SMURF2: variants seen among roughly 807,000 people sequenced by gnomAD.
The protein encoded by SMURF2 is E3 ubiquitin-protein ligase SMURF2.
Under a neutral mutation model 109.6 loss-of-function variants are expected in SMURF2, and 48 were observed. The observed-to-expected ratio is 0.44, with a 90% CI of 0.35 to 0.56. The LOEUF (loss-of-function observed/expected upper bound fraction) is 0.56. Among genes scored for constraint, SMURF2 ranks in the 20% least tolerant of loss-of-function variants. The probability of loss-of-function intolerance (pLI) is 0.01; values close to 1 mark genes in which losing one functional copy is unlikely to be tolerated. For missense variants in SMURF2, 575 were observed against 909.0 expected (o/e 0.63, Z 4.72); for synonymous variants, 288 against 317.1 (o/e 0.91, Z 0.97).
At chr17:64,554,772 T>A (rs1458399796) in intron 15 of SMURF2, 84 bp downstream of exon 15, 1 of 1,272,090 alleles carries the variant, frequency 7.9e-7, no homozygotes, top group South Asian at 1.4e-5. Flanking sequence ...CACTAAGTAG[T>A]ACTATCTAAA....
At chr17:64,610,990 C>A (rs563505477) in intron 1 of SMURF2, among the ~76,000 whole-genome samples, 12 of 152,256 alleles carry the variant, frequency 7.9e-5, no homozygotes, top group South Asian at 2.1e-4. Flanking sequence ...CTTCTAGAAA[C>A]CCTCTCTTCC....
chr17:64,575,160 T>C (rs1555685948), intron 9 of SMURF2, among the ~76,000 whole-genome samples: 1 of 151,570 alleles, frequency 6.6e-6, no homozygotes, highest in East Asian at 1.9e-4. Context: ...TTTTTATCTA[T>C]TTATTTTTTT....
chr17:64,551,737 C>T (rs1555683646), intron 15 of SMURF2, 33 bp from the exon 16 acceptor site: 2 of 1,610,260 alleles, frequency 1.2e-6, no homozygotes, highest in Admixed American at 1.7e-5. Flanking sequence ...CGTATAATCA[C>T]ATGTATTTTC....
chr17:64,545,879 A>G lies in SMURF2; in HGVS notation c.2216T>C (p.Ile739Thr). 1 of 1,611,350 alleles carries G rather than the reference A, an allele frequency of 6.2e-7. No individual in the cohort carries two copies. The highest frequency in any genetic ancestry group is 8.5e-7 in the Non-Finnish European group (1 of 1,177,588). ...EKLYEKLLTA[I>T]EETCGFAVE ...CACAGCAAATCCACATGTTTCTTCA[A>G]TGGCTGTTAGCAGCTTTTCATATAG... Residue 739 changes from isoleucine (I) to threonine (T), a missense_variant, in exon 19 of 19, where the codon ATT becomes ACT. Physicochemically the swap from Ile to Thr is moderately conservative, Grantham distance 89. Transcript: ENST00000262435.
In SMURF2 at chr17:64,596,893, G is replaced by A. The variant is rs1248090228; in HGVS notation, c.200+1489C>T. Reference sequence around the variant, plus strand: ...AGATAAATAGATAACTAAACAAATGGGAAAAGTAGCTACTAACTTCAGAAA... The same window carrying A: ...AGATAAATAGATAACTAAACAAATGAGAAAAGTAGCTACTAACTTCAGAAA... On this transcript the variant is annotated intron_variant, in intron 3 of 18. Transcript: ENST00000262435. Among the ~76,000 whole-genome samples, 2 of 151,932 alleles carry A rather than the reference G, an allele frequency of 1.3e-5. 1 individual carries two copies. Among genetic ancestry groups the A allele is most frequent in the East Asian group, 3.8e-4 (2 of 5,202 alleles).
At chr17:64,658,041 C>T (rs547554342) in intron 1 of SMURF2, among the ~76,000 whole-genome samples, 2 of 152,236 alleles carry the variant, frequency 1.3e-5, no homozygotes, top group African/African-American at 4.8e-5. Context: ...ACATTCAAAT[C>T]ACTAACACCT....
intron 1 of SMURF2, among the ~76,000 whole-genome samples, chr17:64,621,509 G>C (rs1198670895): frequency 6.7e-6 from 1 of 149,770 alleles, no homozygotes; most frequent in Admixed American, 6.7e-5. Context: ...GAATCCAGGG[G>C]GCAGAGGTTG....
chr17:64,625,096 A>AG (rs1419926776), intron 1 of SMURF2, among the ~76,000 whole-genome samples: 3 of 152,178 alleles, frequency 2.0e-5, no homozygotes, highest in Non-Finnish European at 2.9e-5. Context: ...TCCTGACTCT[A>AG]GGGGGCCACT....
At chr17:64,574,826 T>C (rs1969465568) in intron 9 of SMURF2, among the ~76,000 whole-genome samples, 1 of 152,202 alleles carries the variant, frequency 6.6e-6, no homozygotes, top group Admixed American at 6.5e-5. Flanking sequence ...TTACCAACAG[T>C]GGTGCTGAAA....
chr17:64,604,647 G>A (rs1156972135), intron 2 of SMURF2, among the ~76,000 whole-genome samples: 1 of 152,064 alleles, frequency 6.6e-6, no homozygotes, highest in Non-Finnish European at 1.5e-5. Flanking sequence ...AGAAGCAGCT[G>A]TAAGAGTGCT....
In SMURF2 at chr17:64,578,920, T is replaced by C. The variant is rs117159570; in HGVS notation, c.773-344A>G. On this transcript the variant is annotated intron_variant, in intron 8 of 18. Coordinates refer to ENST00000262435, the MANE Select transcript of SMURF2 (RefSeq NM_022739.4). ...GCTCTGAGAAAGAGGCTGGCCAACATTGGGAAGATTTGAGGAGGAACTTCC... is the reference window on the plus strand; with the variant it reads ...GCTCTGAGAAAGAGGCTGGCCAACACTGGGAAGATTTGAGGAGGAACTTCC... Among the ~76,000 whole-genome samples, 1,281 of 152,346 alleles carry C rather than the reference T, an allele frequency of 8.4e-3. 11 individuals carry two copies. The highest frequency in any genetic ancestry group is 0.014 in the Middle Eastern group (4 of 294).
chr17:64,640,750 C>A (rs1392310837), intron 1 of SMURF2, among the ~76,000 whole-genome samples: 15 of 151,942 alleles, frequency 9.9e-5, no homozygotes, highest in Admixed American at 9.8e-4. Flanking sequence ...GAAACCCCGT[C>A]TGTACTAAAA....
intron 9 of SMURF2, among the ~76,000 whole-genome samples, chr17:64,576,693 T>C (rs1321395710): frequency 1.3e-5 from 2 of 151,970 alleles, no homozygotes; most frequent in East Asian, 3.9e-4. Context: ...TTAAATTACG[T>C]TGTTTTCTAA....
chr17:64,552,193 T>C (rs1969055214), intron 15 of SMURF2, among the ~76,000 whole-genome samples: 1 of 152,144 alleles, frequency 6.6e-6, no homozygotes, highest in Admixed American at 6.6e-5. Context: ...GAAGAATAAA[T>C]AGTAAAAGCC....
At chr17:64,658,339 A>G (rs1221945293) in intron 1 of SMURF2, among the ~76,000 whole-genome samples, 1 of 152,212 alleles carries the variant, frequency 6.6e-6, no homozygotes, top group Non-Finnish European at 1.5e-5. Context: ...TCAAGAGTGA[A>G]ACTCCAACTC....
Position 64,547,582 on chromosome 17 carries a change from T to G in SMURF2, c.2071+18A>C, listed in dbSNP as rs1459179668. On this transcript the variant is annotated intron_variant, in intron 17 of 18. Transcript: ENST00000262435. This position sits in a 1 kb window ranked among gnomAD's most constrained non-coding sequence, Gnocchi z 4.2. ...GCCCCCACCCGCTGCCCAGCTTGCCTGCACCTCAGGCTGTTACCTTGCAAT... is the reference window on the plus strand; with the variant it reads ...GCCCCCACCCGCTGCCCAGCTTGCCGGCACCTCAGGCTGTTACCTTGCAAT... 1 of 1,583,828 alleles carries G rather than the reference T, an allele frequency of 6.3e-7. No homozygotes were observed. The highest frequency in any genetic ancestry group is 8.7e-7 in the Non-Finnish European group (1 of 1,155,896).
At chr17:64,586,234 T>G (rs1484959523) in intron 5 of SMURF2, 64 bp from the exon 6 acceptor site, 54 of 1,101,660 alleles carry the variant, frequency 4.9e-5, no homozygotes, top group Non-Finnish European at 6.9e-5. Flanking sequence ...TAATCTAAAA[T>G]TTCTATCTTC....
intron 1 of SMURF2, among the ~76,000 whole-genome samples, chr17:64,638,135 G>A (rs184708151): frequency 1.1e-3 from 161 of 147,802 alleles, no homozygotes; most frequent in African/African-American, 3.8e-3. Flanking sequence ...CGATCTTGGC[G>A]GCTCACTGCA....
At chr17:64,635,594 T>G (rs548686959) in intron 1 of SMURF2, among the ~76,000 whole-genome samples, 1 of 152,330 alleles carries the variant, frequency 6.6e-6, no homozygotes, top group Admixed American at 6.5e-5. Context: ...TTTTTGTGTC[T>G]GGCTTCTTTC....
Sources: gnomAD v4.1 joint callset for allele counts (sites outside exome capture counted in the v4.1 genomes callset) on GRCh38, gnomAD v4.1.1 for gene constraint, Gnocchi (gnomAD v3.1) non-coding constraint, MANE v1.5 for transcripts, NCBI Gene and HGNC (gene_info 2026-07-23, HGNC 2026-07-21) for gene names.